DENND4A: variants seen among roughly 807,000 people sequenced by gnomAD.
DENND4A encodes the protein C-myc promoter-binding protein.
In DENND4A, 70 loss-of-function variants were observed where a neutral mutation model predicts 199.3. The observed-to-expected ratio is 0.35, with a 90% confidence interval of 0.29 to 0.43. The LOEUF (loss-of-function observed/expected upper bound fraction) is 0.43. Among genes scored for constraint, DENND4A ranks in the 20% least tolerant of loss-of-function variants. DENND4A has a pLI of 1.00. For synonymous variants in DENND4A, 686 were observed against 766.9 expected (o/e 0.89, Z 1.74); for missense variants, 1,723 against 2,255.8 (o/e 0.76, Z 4.78).
intron 18 of DENND4A, 89 bp downstream of exon 18, chr15:65,701,673 C>A: frequency 8.1e-7 from 1 of 1,237,482 alleles, no homozygotes; most frequent in Non-Finnish European, 1.2e-6. Flanking sequence ...AAATAAATGC[C>A]AAATAACCCC....
At chr15:65,731,763 T>C (rs1236805247) in intron 8 of DENND4A, 63 bp from the exon 9 acceptor site, 1 of 1,140,642 alleles carries the variant, frequency 8.8e-7, no homozygotes, top group Non-Finnish European at 1.3e-6. Context: ...CACCACTTTC[T>C]GTTAAAAATA....
chr15:65,782,432 A>G (rs2077458385), intron 1 of DENND4A, among the ~76,000 whole-genome samples: 1 of 151,972 alleles, frequency 6.6e-6, no homozygotes, highest in Non-Finnish European at 1.5e-5. Flanking sequence ...TTCCTTCATT[A>G]CCCTTACTAC....
intron 7 of DENND4A, among the ~76,000 whole-genome samples, chr15:65,734,158 C>T (rs532347724): frequency 6.6e-6 from 1 of 152,034 alleles, no homozygotes; most frequent in African/African-American, 2.4e-5. Flanking sequence ...GTCTCCTGCC[C>T]GTCCCTGGGC....
chr15:65,669,838 T>C lies in DENND4A; in HGVS notation c.4728A>G (p.Thr1576=). 1 of 1,613,798 alleles carries C rather than the reference T, an allele frequency of 6.2e-7. No individual in the cohort carries two copies. The change falls in exon 27 of 33, where the codon ACA becomes ACG. Residue 1576 remains threonine, a synonymous_variant. Coordinates refer to ENST00000443035, the MANE Select transcript of DENND4A (RefSeq NM_001320835.1). ...SSQTRQSCIS[T]SASGLDTSAL... ...CAGATGTGTCAAGACCAGAGGCTGA[T>C]GTTGAAATGCAAGACTGCCTCGTCT...
In DENND4A at chr15:65,756,528, T is replaced by C. The variant is rs932124594; in HGVS notation, c.-22-56A>G. On this transcript the variant is annotated intron_variant, in intron 2 of 32. Transcript: ENST00000443035. ...CTATAATAAGCAAAATAAATACAAG[T>C]GGTTTGTGTGCAAATAAGAACAAAA... 4 of 1,329,632 alleles carry C rather than the reference T, an allele frequency of 3.0e-6. No homozygotes were observed. In the South Asian group the frequency reaches 4.5e-5, roughly 15 times the overall value. The allele number at this position is 1,329,632 out of a possible 1,614,324, so 82.4% of individuals were successfully genotyped here. A position where few individuals can be genotyped will look rare whatever the true frequency, so the allele number is the denominator to read the frequency against.
At chr15:65,771,886 G>A in intron 1 of DENND4A, 1 of 1,611,748 alleles carries the variant, frequency 6.2e-7, no homozygotes, top group Non-Finnish European at 8.5e-7. Flanking sequence ...TGTTGCTCCA[G>A]GTGCATGGTT....
rs762497532 is a variant in DENND4A at position 65,741,737 on chromosome 15, C to T, written c.609G>A (p.Thr203=). The change falls in exon 5 of 33, where the codon ACG becomes ACA. Residue 203 remains threonine (T), a synonymous_variant. Transcript: ENST00000443035. ...YLCYKKSVAK[T]NTVSYKAGLI... ...TACCAGCTTTGTAAGATACAGTGTT[C>T]GTCTTTGCCACCGATTTTTTATAAC... is the stretch of plus-strand genomic sequence containing the variant. The T allele has an allele frequency of 6.8e-6, 11 of 1,612,748 alleles. No individual in the cohort carries two copies. The highest frequency in any genetic ancestry group is 1.1e-5 in the South Asian group (1 of 91,050).
chr15:65,754,670 C>G (rs921028898), intron 3 of DENND4A, among the ~76,000 whole-genome samples: 1 of 152,158 alleles, frequency 6.6e-6, no homozygotes, highest in Non-Finnish European at 1.5e-5. Context: ...AAAAGATGCT[C>G]AACATCATTA....
intron 23 of DENND4A, 116 bp downstream of exon 23, chr15:65,690,299 A>G (rs1450334595): frequency 1.8e-6 from 2 of 1,122,040 alleles, no homozygotes; most frequent in Non-Finnish European, 2.4e-6. Context: ...TACATACCCA[A>G]TGAGTCCTTT....
chr15:65,699,473 G>A (rs1204919105), intron 20 of DENND4A, among the ~76,000 whole-genome samples: 1 of 151,496 alleles, frequency 6.6e-6, no homozygotes. Flanking sequence ...ATACTTCTAT[G>A]AAATTAATGC....
intron 2 of DENND4A, among the ~76,000 whole-genome samples, chr15:65,760,040 A>G (rs2076812615): frequency 1.3e-5 from 2 of 152,244 alleles, no homozygotes; most frequent in Admixed American, 6.5e-5. Flanking sequence ...GTCAAAGGTT[A>G]TATCAGCCTT....
intron 16 of DENND4A, 80 bp downstream of exon 16, chr15:65,702,793 T>A: frequency 2.3e-6 from 3 of 1,308,740 alleles, no homozygotes. Context: ...TATGAAGTGA[T>A]AAAGCATATT....
At chr15:65,773,757 C>T (rs886649694) in intron 1 of DENND4A, among the ~76,000 whole-genome samples, 3 of 152,180 alleles carry the variant, frequency 2.0e-5, no homozygotes, top group African/African-American at 7.2e-5. Context: ...CATACACACA[C>T]CACTGCTGCC....
At chr15:65,778,611 GT>G (rs2077347217) in intron 1 of DENND4A, among the ~76,000 whole-genome samples, 1 of 152,118 alleles carries the variant, frequency 6.6e-6, no homozygotes, top group Non-Finnish European at 1.5e-5. Context: ...AAAAAGTTAT[GT>G]TGCAGGCCAG....
In DENND4A at chr15:65,735,977, G is replaced by C. The variant is rs371649152; in HGVS notation, c.1040+1730C>G. Among the ~76,000 whole-genome samples the C allele has an allele frequency of 2.5e-4, 38 of 152,270 alleles. No homozygotes were observed. The East Asian group carries it at 7.0e-3, about 28-fold the overall frequency. ...ATGGTGGCACACGCCTGTAATCCCAGCTACTGGCAATATTTGCCAATAATT... is the reference window on the plus strand; with the variant it reads ...ATGGTGGCACACGCCTGTAATCCCACCTACTGGCAATATTTGCCAATAATT... On this transcript the variant is annotated intron_variant, in intron 7 of 32. Coordinates refer to ENST00000443035, the MANE Select transcript of DENND4A (RefSeq NM_001320835.1).
chr15:65,791,601 G>A (rs1489587205), intron 1 of DENND4A, among the ~76,000 whole-genome samples: 2 of 151,828 alleles, frequency 1.3e-5, no homozygotes, highest in Non-Finnish European at 2.9e-5. Context: ...GGCTCCCCCC[G>A]CCGCCTGTCT....
At chr15:65,715,424 T>C (rs376407694) in intron 14 of DENND4A, 54 bp downstream of exon 14, 5 of 1,500,922 alleles carry the variant, frequency 3.3e-6, no homozygotes, top group African/African-American at 1.4e-5. Flanking sequence ...ACTCATAACA[T>C]TTATAACAGT....
chr15:65,719,488 G>A (rs1043998685), intron 12 of DENND4A, among the ~76,000 whole-genome samples: 14 of 151,968 alleles, frequency 9.2e-5, no homozygotes, highest in Non-Finnish European at 1.8e-4. Context: ...TCAAGTGATC[G>A]AAGTGAATAT....
intron 15 of DENND4A, among the ~76,000 whole-genome samples, chr15:65,704,962 G>A (rs1479635835): frequency 1.3e-5 from 2 of 152,042 alleles, no homozygotes; most frequent in Non-Finnish European, 2.9e-5. Context: ...CCAAACCACA[G>A]AAACACAAAA....
Sources: gnomAD v4.1 joint callset for allele counts (sites outside exome capture counted in the v4.1 genomes callset) on GRCh38, gnomAD v4.1.1 for gene constraint, MANE v1.5 for transcripts, NCBI Gene and HGNC (gene_info 2026-07-23, HGNC 2026-07-21) for gene names.